The following ZNF511 variants were observed in gnomAD, a reference collection of about 807,000 sequenced individuals.
ZNF511 encodes zinc finger protein 511.
Under a neutral mutation model 24.8 loss-of-function variants are expected in ZNF511, and 26 were observed. The observed-to-expected ratio is 1.05, with a 90% CI of 0.77 to 1.46. The LOEUF is 1.46. ZNF511 is among the 40% of genes most tolerant of loss of function. ZNF511 has a pLI of 0.00. For missense variants in ZNF511, 358 were observed against 345.0 expected (o/e 1.04, Z -0.30); for synonymous variants, 144 against 139.6 (o/e 1.03, Z -0.22).
At chr10:133,312,507 A>T (rs933132347) in intron 5 of ZNF511, 5 of 1,323,450 alleles carry the variant, frequency 3.8e-6, no homozygotes, top group Non-Finnish European at 4.8e-6. Context: ...TGGAATGGAC[A>T]TGGGGTAGCA....
At chr10:133,309,558 G>A in intron 2 of ZNF511, 95 bp downstream of exon 2, 3 of 1,438,916 alleles carry the variant, frequency 2.1e-6, no homozygotes, top group East Asian at 4.9e-5. Context: ...TCTTCCATGT[G>A]CGGCCGCCCC....
intron 4 of ZNF511, among the ~76,000 whole-genome samples, chr10:133,311,199 C>G (rs1847981838): frequency 1.3e-5 from 2 of 152,146 alleles, no homozygotes; most frequent in Admixed American, 6.5e-5. Context: ...GTTTTTCAGA[C>G]TCTACATTTT....
In ZNF511 at chr10:133,308,969, C is replaced by G; in HGVS notation, c.26C>G (p.Ala9Gly). The G allele has an allele frequency of 8.1e-7, 1 of 1,242,188 alleles. No homozygotes were observed. The highest frequency in any genetic ancestry group is 1.0e-6 in the Non-Finnish European group (1 of 985,812). 76.9% of individuals were successfully genotyped at this position (1,242,188 alleles called of 1,614,324 possible). The change falls in exon 1 of 6, where the codon GCC becomes GGC. Residue 9 changes from alanine (A) to glycine (G), a missense_variant. By Grantham distance (60) the Ala-to-Gly change is moderately conservative. Coordinates refer to ENST00000361518, the MANE Select transcript of ZNF511 (RefSeq NM_145806.4). ...ATGCAGTTGCCCCCCGCGCTGTGCG[C>G]CCGCCTCGCTGCGGGGCCCGGGGCG... is the stretch of plus-strand genomic sequence containing the variant. The part of the protein sequence containing the change: MQLPPALC[A>G]RLAAGPGAAE...
rs1564778634 is a variant in ZNF511 at position 133,310,280 on chromosome 10, A to G, written c.546A>G (p.Lys182=). The change falls in exon 4 of 6, where the codon AAA becomes AAG. Residue 182 remains lysine (K), a synonymous_variant. Coordinates refer to ENST00000361518, the MANE Select transcript of ZNF511 (RefSeq NM_145806.4). ...ACTTCCGGTTTGATAAGCCAAAGAA[A>G]AGCAGAAGGTAGGGAGCCGCCAGGC... ...PADFRFDKPK[K]SRSPASAEAP... 4.3e-6 allele frequency: 7 copies of G among 1,613,942 alleles called. No homozygotes were observed. The highest frequency in any genetic ancestry group is 5.9e-6 in the Non-Finnish European group (7 of 1,180,036).
chr10:133,310,881 A>G (rs944840722), intron 4 of ZNF511, among the ~76,000 whole-genome samples: 3 of 151,928 alleles, frequency 2.0e-5, no homozygotes, highest in Non-Finnish European at 4.4e-5. Context: ...GGTTCACTGC[A>G]ACCTCCACTT....
intron 5 of ZNF511, chr10:133,312,306 G>A (rs1400454190): frequency 1.7e-6 from 2 of 1,208,172 alleles, no homozygotes; most frequent in Non-Finnish European, 2.1e-6. Flanking sequence ...CGTCACCTGT[G>A]CCGTCTGCCT....
rs897209614 is a variant in ZNF511, at chr10:133,309,955, T to G, written c.407T>G (p.Ile136Ser). 3 of 1,613,132 alleles carry G rather than the reference T, an allele frequency of 1.9e-6. No individual in the cohort carries two copies. The highest frequency in any genetic ancestry group is 2.5e-6 in the Non-Finnish European group (3 of 1,179,974). ...ILEWHDSLFQILSERQDMYQC... is the reference protein window; with the variant it reads ...ILEWHDSLFQSLSERQDMYQC... The stretch of plus-strand genomic sequence containing the variant: ...GAGTGGCACGATTCGCTCTTCCAGA[T>G]CCTGTCTGAGAGGCAGGACATGGTG... The change falls in exon 3 of 6, where the codon ATC becomes AGC. Residue 136 changes from isoleucine (I) to serine (S), a missense_variant. Coordinates refer to ENST00000361518, the MANE Select transcript of ZNF511 (RefSeq NM_145806.4).
At position 133,312,980 on chromosome 10, in the gene ZNF511, CCCCAT is replaced by C; in HGVS notation, c.*117_*121del. On this transcript the variant is annotated 3_prime_UTR_variant, in exon 6 of 6. Transcript: ENST00000361518. ...CTGGGGGCCAGGCCCTCGCCATCCT[CCCCAT>C]CCTTGTTCCTCAGCAAATGGCATTA... 6.4e-7 allele frequency: 1 copy of C among 1,560,326 alleles called. No homozygotes were observed. Among genetic ancestry groups the C allele is most frequent in the Non-Finnish European group, 8.6e-7 (1 of 1,156,504 alleles).
intron 5 of ZNF511, chr10:133,312,293 TA>T: frequency 8.1e-7 from 1 of 1,232,790 alleles, no homozygotes; most frequent in Non-Finnish European, 1.0e-6. Context: ...TCTGCCTTTC[TA>T]GCGTCACCTG....
At chr10:133,311,574 T>C (rs537164029) in intron 4 of ZNF511, 142 bp from the exon 5 acceptor site, 237 of 698,436 alleles carry the variant, frequency 3.4e-4, no homozygotes, top group Middle Eastern at 2.1e-3. Flanking sequence ...TAAACCACAC[T>C]ATAAAATCAG....
In ZNF511 at chr10:133,310,301, C is replaced by G; in HGVS notation, c.554+13C>G. On this transcript the variant is annotated intron_variant, in intron 4 of 5. Transcript: ENST00000361518. ...AGAAAAGCAGAAGGTAGGGAGCCGC[C>G]AGGCTCAGCACGTGTCTGCTTTTGA... The G allele has an allele frequency of 1.2e-6, 2 of 1,613,722 alleles. No homozygotes were observed. Among genetic ancestry groups the G allele is most frequent in the Non-Finnish European group, 1.7e-6 (2 of 1,180,014 alleles).
Position 133,311,724 on chromosome 10 carries a change from C to T in ZNF511, c.563C>T (p.Ser188Leu), listed in dbSNP as rs756886391. 7.4e-6 allele frequency: 12 copies of T among 1,612,486 alleles called. No homozygotes were observed. The highest frequency in any genetic ancestry group is 1.3e-5 in the African/African-American group (1 of 74,934). ...DKPKKSRSPA[S>L]AEAPGDSGER... is the part of the protein sequence containing the mutation. ...CTGCTCTCTCCCCGCAGCCCAGCCT[C>T]AGCAGAAGCCCCAGGGGACAGTGGA... The change falls in exon 5 of 6, where the codon TCA (serine) becomes TTA (leucine). Residue 188 changes from serine to leucine, a missense_variant. Coordinates refer to ENST00000361518, the MANE Select transcript of ZNF511 (RefSeq NM_145806.4).
chr10:133,311,754 G>T lies in ZNF511; in HGVS notation c.593G>T (p.Arg198Leu). 6.2e-7 allele frequency: 1 copy of T among 1,613,704 alleles called. No individual in the cohort carries two copies. Among genetic ancestry groups the T allele is most frequent in the Non-Finnish European group, 8.5e-7 (1 of 1,180,034 alleles). The change falls in exon 5 of 6, where the codon CGG (arginine) becomes CTG (leucine). Residue 198 changes from arginine to leucine, a missense_variant. By Grantham distance (102) the Arg-to-Leu change is moderately radical. Transcript: ENST00000361518. The stretch of plus-strand genomic sequence containing the variant: ...GAAGCCCCAGGGGACAGTGGAGAGC[G>T]GTCAGAAGGGGAGGCCATGGAAATC... ...SAEAPGDSGE[R>L]SEGEAMEICS... is the part of the protein sequence containing the mutation.
chr10:133,310,801 A>T (rs1847974351), intron 4 of ZNF511, among the ~76,000 whole-genome samples: 1 of 151,532 alleles, frequency 6.6e-6, no homozygotes, highest in Non-Finnish European at 1.5e-5. Context: ...ACTTCCAGGA[A>T]CAATCTTTTT....
rs912662553 is a variant in ZNF511 at position 133,309,470 on chromosome 10, G to C, written c.227+7G>C. ...ACGTGCCTGAGAAGCCCAGGTAAGC[G>C]AATGGGCAGTGCCTAGCCAGTGCTA... On this transcript the variant is annotated splice_region_variant and intron_variant, in intron 2 of 5. Coordinates refer to ENST00000361518, the MANE Select transcript of ZNF511 (RefSeq NM_145806.4). The C allele has an allele frequency of 8.7e-6, 14 of 1,611,322 alleles. No individual in the cohort carries two copies. Among genetic ancestry groups the C allele is most frequent in the Non-Finnish European group, 1.2e-5 (14 of 1,179,224 alleles).
intron 5 of ZNF511, chr10:133,312,292 C>T: frequency 8.1e-7 from 1 of 1,234,866 alleles, no homozygotes; most frequent in Non-Finnish European, 1.0e-6. Context: ...GTCTGCCTTT[C>T]TAGCGTCACC....
In ZNF511 at chr10:133,309,425, C is replaced by T; in HGVS notation, c.189C>T (p.Asp63=). 1 of 1,612,540 alleles carries T rather than the reference C, an allele frequency of 6.2e-7. No homozygotes were observed. Among genetic ancestry groups the T allele is most frequent in the Non-Finnish European group, 8.5e-7 (1 of 1,179,764 alleles). Residue 63 remains aspartate, a synonymous_variant, in exon 2 of 6, where the codon GAC becomes GAT. Coordinates refer to ENST00000361518, the MANE Select transcript of ZNF511 (RefSeq NM_145806.4). The part of the protein sequence containing the change: ...GDVQRHLYLQ[D]VIMQVADVPE... ...TGCAGCGCCACCTCTACCTCCAGGA[C>T]GTGATCATGCAGGTGGCCGACGTGC...
Position 133,313,059 on chromosome 10 carries a change from C to G in ZNF511, c.*193C>G. 1 of 1,401,468 alleles carries G rather than the reference C, an allele frequency of 7.1e-7. No homozygotes were observed. Among genetic ancestry groups the G allele is most frequent in the Non-Finnish European group, 9.3e-7 (1 of 1,069,952 alleles). 86.8% of individuals were successfully genotyped at this position (1,401,468 alleles called of 1,614,324 possible). A position where few individuals can be genotyped will look rare whatever the true frequency, so the allele number is the denominator to read the frequency against. The stretch of plus-strand genomic sequence containing the variant: ...GGGACCCACAGATTTTGGAAACGAC[C>G]TGGACACACTATTGGGAAGGAGATG... On this transcript the variant is annotated 3_prime_UTR_variant, in exon 6 of 6. Coordinates refer to ENST00000361518, the MANE Select transcript of ZNF511 (RefSeq NM_145806.4).
chr10:133,309,465 T>G lies in ZNF511; in HGVS notation c.227+2T>G. On this transcript the variant is annotated splice_donor_variant, in intron 2 of 5. Transcript: ENST00000361518. LOFTEE classifies it high-confidence loss of function. ...GGCCGACGTGCCTGAGAAGCCCAGG[T>G]AAGCGAATGGGCAGTGCCTAGCCAG... 6.2e-7 allele frequency: 1 copy of G among 1,611,782 alleles called. No homozygotes were observed. Among genetic ancestry groups the G allele is most frequent in the Non-Finnish European group, 8.5e-7 (1 of 1,179,426 alleles).
Sources: allele counts gnomAD v4.1 joint callset (sites outside exome capture counted in the v4.1 genomes callset), GRCh38; gene constraint gnomAD v4.1.1; transcripts MANE v1.5; gene names NCBI Gene and HGNC (gene_info 2026-07-23, HGNC 2026-07-21).